Variants in CREB5 observed in about 807,000 individuals in gnomAD.
CREB5 encodes cyclic AMP-responsive element-binding protein 5.
A neutral mutation model predicts 57.1 loss-of-function variants in CREB5; 19 were observed. The observed-to-expected ratio is 0.33, with a 90% CI of 0.23 to 0.49. The LOEUF (loss-of-function observed/expected upper bound fraction) is 0.49, where lower values mean the gene tolerates loss of function less well. Ranked by LOEUF, CREB5 falls within the 20% of genes least tolerant of loss-of-function variation. CREB5 has a pLI of 0.99. For synonymous variants in CREB5, 238 were observed against 238.3 expected, an observed-to-expected ratio of 1.00 and a Z score of 0.01; for missense variants, 579 against 671.6, an observed-to-expected ratio of 0.86 and a Z score of 1.52.
At chr7:28,672,188 A>AACACACACAC (rs1554283304) in intron 5 of CREB5, among the ~76,000 whole-genome samples, 2 of 147,000 alleles carry the variant, frequency 1.4e-5, no homozygotes, top group African/African-American at 2.5e-5. Flanking sequence ...AAAAAAAAAA[A>AACACACACAC]ACACACACAC....
chr7:28,480,086 G>C (rs925935142), intron 1 of CREB5, among the ~76,000 whole-genome samples: 2 of 151,350 alleles, frequency 1.3e-5, no homozygotes, highest in African/African-American at 4.9e-5. Context: ...ACTAAGACTA[G>C]ACTAAAAAGT....
intron 7 of CREB5, among the ~76,000 whole-genome samples, chr7:28,777,464 TAA>T (rs1472931489): frequency 3.3e-5 from 5 of 152,216 alleles, no homozygotes; most frequent in Non-Finnish European, 7.3e-5. Flanking sequence ...CTCTGATATA[TAA>T]AGACTAGTAG....
rs1799379555 is a variant in CREB5, at chr7:28,657,573, ACAAAAAT to A, written c.465-61179_465-61173del. On this transcript the variant is annotated intron_variant, in intron 5 of 10. Transcript: ENST00000357727. ...GTGAAACCCCGTCTCTACTAACAAT[ACAAAAAT>A]TAGCCAGGTGCCTGCAGACCTGGCT... Among the ~76,000 whole-genome samples the A allele has an allele frequency of 9.2e-5, 14 of 152,218 alleles. 1 individual carries two copies. The South Asian group carries it at 2.9e-3, about 32-fold the overall frequency.
intron 4 of CREB5, among the ~76,000 whole-genome samples, chr7:28,567,498 A>G (rs1487429986): frequency 6.6e-6 from 1 of 152,218 alleles, no homozygotes; most frequent in Non-Finnish European, 1.5e-5. Flanking sequence ...TGGAGACATA[A>G]TGGGGAGTAA....
At chr7:28,653,347 A>G (rs1333931226) in intron 5 of CREB5, among the ~76,000 whole-genome samples, 1 of 152,224 alleles carries the variant, frequency 6.6e-6, no homozygotes, top group Admixed American at 6.5e-5. Flanking sequence ...TCATTCTGTA[A>G]CTTGTCAGTG....
chr7:28,352,116 T>C (rs960322231), intron 1 of CREB5, among the ~76,000 whole-genome samples: 1 of 152,262 alleles, frequency 6.6e-6, no homozygotes, highest in African/African-American at 2.4e-5. Flanking sequence ...TTATTTGTTA[T>C]AATAAAACAT....
chr7:28,703,419 G>A lies in CREB5; in HGVS notation c.465-15334G>A, dbSNP rs187664060. On this transcript the variant is annotated intron_variant, in intron 5 of 10. Coordinates refer to ENST00000357727, the MANE Select transcript of CREB5 (RefSeq NM_182898.4). ...AATATGAGGGGAAAGATCTAAAGAC[G>A]GAGCACTGTACTAGTCAGGGTTCTC... 1.5e-3 allele frequency among the ~76,000 whole-genome samples: 230 copies of A among 152,160 alleles called. 1 individual carries two copies. Among genetic ancestry groups the A allele is most frequent in the Non-Finnish European group, 2.8e-3 (190 of 68,004 alleles).
At chr7:28,585,887 A>G (rs1796288310) in intron 5 of CREB5, among the ~76,000 whole-genome samples, 2 of 152,182 alleles carry the variant, frequency 1.3e-5, no homozygotes, top group African/African-American at 4.8e-5. Context: ...TTACTTGAAC[A>G]TTTGAAAATT....
At chr7:28,382,021 C>T (rs551241599) in intron 1 of CREB5, among the ~76,000 whole-genome samples, 1 of 152,318 alleles carries the variant, frequency 6.6e-6, no homozygotes, top group East Asian at 1.9e-4. Flanking sequence ...GTCTGAAGGC[C>T]TCAGAGTGGA....
At chr7:28,351,252 A>C (rs1005094529) in intron 1 of CREB5, among the ~76,000 whole-genome samples, 10 of 152,192 alleles carry the variant, frequency 6.6e-5, no homozygotes, top group Admixed American at 2.6e-4. Flanking sequence ...TATCTTCATG[A>C]AACAAATCTA....
Position 28,560,929 on chromosome 7 carries a change from C to G in CREB5, c.292-9436C>G, listed in dbSNP as rs1445990060. Among the ~76,000 whole-genome samples, 3 of 30,424 alleles carry G rather than the reference C, an allele frequency of 9.9e-5. 1 individual carries two copies. The highest frequency in any genetic ancestry group is 1.6e-4 in the African/African-American group (1 of 6,260). The allele number at this position is 30,424 out of a possible 152,430, so 20.0% of individuals were successfully genotyped here. On this transcript the variant is annotated intron_variant, in intron 4 of 10. Coordinates refer to ENST00000357727, the MANE Select transcript of CREB5 (RefSeq NM_182898.4). ...GCGTGCGTGTGCGTGTGTGCGCGTG[C>G]GTGTGTGCGTGCGTGTGTGTGCGTG...
Position 28,675,736 on chromosome 7 carries a change from A to G in CREB5, c.465-43017A>G, listed in dbSNP as rs1800287090. On this transcript the variant is annotated intron_variant, in intron 5 of 10. Transcript: ENST00000357727. ...ACCACCTACCCTTGCAAAGTGGTGC[A>G]GTGTGGATCCTGTTTCAGCTTGGGA... 2.0e-5 allele frequency among the ~76,000 whole-genome samples: 3 copies of G among 152,106 alleles called. No homozygotes were observed. The South Asian group carries it at 6.2e-4, about 32-fold the overall frequency.
At chr7:28,755,436 T>C (rs542321152) in intron 7 of CREB5, among the ~76,000 whole-genome samples, 6 of 152,208 alleles carry the variant, frequency 3.9e-5, no homozygotes, top group African/African-American at 1.4e-4. Flanking sequence ...TCAATTCCTA[T>C]GAGAGAAGGG....
At chr7:28,807,171 T>C (rs940553083) in intron 8 of CREB5, among the ~76,000 whole-genome samples, 1 of 152,188 alleles carries the variant, frequency 6.6e-6, no homozygotes. Context: ...TTTGCTGGCC[T>C]GGTGCGGTGG....
intron 1 of CREB5, among the ~76,000 whole-genome samples, chr7:28,364,867 G>A (rs150035658): frequency 1.5e-3 from 235 of 152,156 alleles, no homozygotes; most frequent in African/African-American, 5.4e-3. Flanking sequence ...TAAAGCACAT[G>A]GCATCTTACT....
chr7:28,666,482 C>CCT (rs1317141748), intron 5 of CREB5, among the ~76,000 whole-genome samples: 1 of 152,156 alleles, frequency 6.6e-6, no homozygotes, highest in Non-Finnish European at 1.5e-5. Context: ...GTTAACGGAT[C>CCT]CTTTACATAT....
At position 28,507,727 on chromosome 7, in the gene CREB5, G is replaced by A; in HGVS notation, c.281G>A (p.Ser94Asn). 3 of 1,604,530 alleles carry A rather than the reference G, an allele frequency of 1.9e-6. No individual in the cohort carries two copies. The highest frequency in any genetic ancestry group is 1.7e-4 in the Middle Eastern group (1 of 6,036). Residue 94 changes from serine (S) to asparagine (N), a missense_variant, in exon 4 of 11, where the codon AGC becomes AAC. Ser to Asn is a conservative substitution (Grantham distance 46). Transcript: ENST00000357727. ...TTCAGGAAGGCTCAGGAAGAGGAGA[G>A]CAGCAAGCGGGTAGGTTTGCTTGGA... ...HEFRKAQEEE[S>N]SKRNISMHNA...
intron 5 of CREB5, among the ~76,000 whole-genome samples, chr7:28,583,004 C>A (rs759863334): frequency 1.3e-5 from 2 of 152,108 alleles, no homozygotes; most frequent in Admixed American, 1.3e-4. Context: ...ATGGGCACCT[C>A]GAATCCACTA....
At chr7:28,476,196 C>T (rs1466034383) in intron 1 of CREB5, among the ~76,000 whole-genome samples, 2 of 152,120 alleles carry the variant, frequency 1.3e-5, no homozygotes, top group African/African-American at 4.8e-5. Flanking sequence ...ACTTGGCAGC[C>T]TTCAAGTAAA....
Sources: allele counts gnomAD v4.1 joint callset (sites outside exome capture counted in the v4.1 genomes callset), GRCh38; gene constraint gnomAD v4.1.1; transcripts MANE v1.5; gene names NCBI Gene and HGNC (gene_info 2026-07-23, HGNC 2026-07-21).